The following PRMT7 variants were observed in gnomAD, a reference collection of about 807,000 sequenced individuals.
PRMT7 encodes the protein protein arginine methyltransferase 7, also known as protein arginine N-methyltransferase 7.
PRMT7 carries 75 observed loss-of-function variants against 85.4 expected under a neutral mutation model. The observed-to-expected ratio is 0.88, with a 90% CI of 0.73 to 1.06. PRMT7 has a LOEUF of 1.06. Among genes scored for constraint, PRMT7 ranks in the 50% least tolerant of loss-of-function variants. The pLI is 0.00. For synonymous variants in PRMT7, 397 were observed against 359.5 expected (o/e 1.10, Z -1.18); for missense variants, 868 against 915.2 (o/e 0.95, Z 0.67).
chr16:68,359,380 T>C (rs1298805602), downstream of PRMT7: 1 of 152,552 alleles, frequency 6.6e-6, no homozygotes, highest in Non-Finnish European at 1.5e-5. Flanking sequence ...CCTTCCTGGC[T>C]CTGGACTCTG....
At chr16:68,321,525 G>A in intron 4 of PRMT7, 63 bp downstream of exon 4, 1 of 1,464,152 alleles carries the variant, frequency 6.8e-7, no homozygotes, top group Admixed American at 1.8e-5. Flanking sequence ...ATTACAAGAA[G>A]GTTAAGAATC....
intron 5 of PRMT7, among the ~76,000 whole-genome samples, chr16:68,326,430 G>GA (rs2083125952): frequency 6.6e-6 from 1 of 152,156 alleles, no homozygotes. Flanking sequence ...ATTTTTAGTA[G>GA]AGATAGGGTT....
intron 6 of PRMT7, among the ~76,000 whole-genome samples, chr16:68,331,565 T>C (rs1278894317): frequency 1.3e-5 from 2 of 151,426 alleles, no homozygotes; most frequent in African/African-American, 4.9e-5. Flanking sequence ...CCTCCTGGGC[T>C]CAAGCAGTCC....
intron 5 of PRMT7, among the ~76,000 whole-genome samples, chr16:68,326,678 C>T (rs923706348): frequency 6.6e-6 from 1 of 152,180 alleles, no homozygotes; most frequent in African/African-American, 2.4e-5. Context: ...TTCAGTTACT[C>T]TTAGCTCAGA....
Position 68,357,205 on chromosome 16 carries a change from A to G in PRMT7, c.2060A>G (p.His687Arg), listed in dbSNP as rs868646919. Residue 687 changes from histidine (H) to arginine (R), a missense_variant, in exon 19 of 19, where the codon CAT (histidine) becomes CGT (arginine). Transcript: ENST00000441236. The part of the protein sequence containing the change: ...DTGDIIMEFR[H>R]ADTPD ...GGCGACATCATCATGGAGTTCAGGC[A>G]TGCAGATACCCCAGACTGACCACTC... 3 of 1,613,318 alleles carry G rather than the reference A, an allele frequency of 1.9e-6. No individual in the cohort carries two copies. Among genetic ancestry groups the G allele is most frequent in the Non-Finnish European group, 8.5e-7 (1 of 1,179,624 alleles).
chr16:68,337,742 C>T (rs989688712), intron 7 of PRMT7, among the ~76,000 whole-genome samples, 171 bp downstream of exon 7: 6 of 152,144 alleles, frequency 3.9e-5, no homozygotes, highest in Non-Finnish European at 7.3e-5. Context: ...ACTTTCATGT[C>T]CCTTGAATGC....
At chr16:68,329,042 T>C (rs750641483) in intron 5 of PRMT7, 24 bp from the exon 6 acceptor site, 33 of 1,524,160 alleles carry the variant, frequency 2.2e-5, no homozygotes, top group Non-Finnish European at 3.0e-5. Context: ...TCATTTTTCC[T>C]TGGGTTTCGG....
At chr16:68,334,508 A>G (rs1010713890) in intron 6 of PRMT7, among the ~76,000 whole-genome samples, 2 of 152,006 alleles carry the variant, frequency 1.3e-5, no homozygotes, top group African/African-American at 4.8e-5. Flanking sequence ...CCAGATGTAT[A>G]CTTTCCAAGG....
chr16:68,349,045 T>C (rs1277464797), intron 14 of PRMT7, among the ~76,000 whole-genome samples: 1 of 152,146 alleles, frequency 6.6e-6, no homozygotes, highest in Non-Finnish European at 1.5e-5. Context: ...ACCGCACTCC[T>C]GTCTTCATTC....
intron 3 of PRMT7, among the ~76,000 whole-genome samples, chr16:68,320,742 C>T (rs1458937602): frequency 6.6e-6 from 1 of 152,130 alleles, no homozygotes; most frequent in African/African-American, 2.4e-5. Context: ...ATTTTTAGGT[C>T]TGAGAACATC....
Position 68,355,732 on chromosome 16 carries a change from G to A in PRMT7, c.1660G>A (p.Asp554Asn). The change falls in exon 17 of 19, where the codon GAC becomes AAC. Residue 554 changes from aspartate (D) to asparagine (N), a missense_variant. Coordinates refer to ENST00000441236, the MANE Select transcript of PRMT7 (RefSeq NM_019023.5). ...CCCCTTCTGTTCGCAGCGTGCCCTG[G>A]ACTTCAGGGAGAGCAGGGAAGCTGA... ...IMDDMIKRAL[D>N]FRESREAEPH... The A allele has an allele frequency of 6.3e-7, 1 of 1,599,900 alleles. No individual in the cohort carries two copies. The highest frequency in any genetic ancestry group is 8.5e-7 in the Non-Finnish European group (1 of 1,171,616).
intron 14 of PRMT7, among the ~76,000 whole-genome samples, chr16:68,348,877 G>A (rs998990234): frequency 3.3e-5 from 5 of 151,962 alleles, no homozygotes; most frequent in Non-Finnish European, 7.4e-5. Flanking sequence ...GGGCTCATGC[G>A]ATCTGCCAGT....
Position 68,356,784 on chromosome 16 carries a change from C to T in PRMT7, c.1895C>T (p.Pro632Leu), listed in dbSNP as rs751617555. 1.2e-6 allele frequency: 2 copies of T among 1,608,894 alleles called. No individual in the cohort carries two copies. Among genetic ancestry groups the T allele is most frequent in the East Asian group, 4.5e-5 (2 of 44,818 alleles). The change falls in exon 18 of 19, where the codon CCT (proline) becomes CTT (leucine). Residue 632 changes from proline to leucine, a missense_variant. Coordinates refer to ENST00000441236, the MANE Select transcript of PRMT7 (RefSeq NM_019023.5). ...ECTLSTGLLEPADPEGGCCWN... is the reference protein window; with the variant it reads ...ECTLSTGLLELADPEGGCCWN... The stretch of plus-strand genomic sequence containing the variant: ...ACGCTCAGCACTGGCCTCCTGGAGC[C>T]TGCAGACCCCGAGGTAGTGCCTGCG...
chr16:68,325,535 CT>C (rs1480855488), intron 5 of PRMT7, among the ~76,000 whole-genome samples: 9 of 151,500 alleles, frequency 5.9e-5, no homozygotes, highest in Admixed American at 5.9e-4. Context: ...TGTCTCACCC[CT>C]GTAATCCCAG....
intron 9 of PRMT7, among the ~76,000 whole-genome samples, chr16:68,344,226 C>T (rs2085975369): frequency 6.6e-6 from 1 of 152,212 alleles, no homozygotes. Flanking sequence ...GCCTCGGCCT[C>T]CCAAATTGTT....
intron 6 of PRMT7, among the ~76,000 whole-genome samples, chr16:68,331,024 A>G (rs2083809399): frequency 6.6e-6 from 1 of 152,336 alleles, no homozygotes; most frequent in African/African-American, 2.4e-5. Flanking sequence ...ATATAAACAC[A>G]CTTGTAACCA....
At chr16:68,313,171 CA>C (rs2044180735) in intron 2 of PRMT7, among the ~76,000 whole-genome samples, 2 of 152,128 alleles carry the variant, frequency 1.3e-5, no homozygotes, top group Admixed American at 1.3e-4. Context: ...TTAGACTCAG[CA>C]ACATCACAGA....
intron 4 of PRMT7, among the ~76,000 whole-genome samples, chr16:68,321,950 A>G (rs559073495): frequency 7.1e-6 from 1 of 140,742 alleles, no homozygotes; most frequent in Non-Finnish European, 1.6e-5. Context: ...TGAGTTCAAC[A>G]TTTTTTTTTT....
At chr16:68,353,711 A>G (rs1353221508) in intron 16 of PRMT7, 145 bp downstream of exon 16, 3 of 673,692 alleles carry the variant, frequency 4.5e-6, no homozygotes, top group Non-Finnish European at 7.0e-6. Flanking sequence ...CAACATGAGC[A>G]TTGCTTGGTA....
Sources: allele counts gnomAD v4.1 joint callset (sites outside exome capture counted in the v4.1 genomes callset), GRCh38; gene constraint gnomAD v4.1.1; transcripts MANE v1.5; gene names NCBI Gene and HGNC (gene_info 2026-07-23, HGNC 2026-07-21).